HPD: variants seen among roughly 807,000 people sequenced by gnomAD.
HPD encodes the protein 4-hydroxyphenylpyruvate dioxygenase.
Under a neutral mutation model 56.9 loss-of-function variants are expected in HPD, and 35 were observed. That is an observed-to-expected ratio of 0.62 (90% CI 0.47 to 0.82). The LOEUF (loss-of-function observed/expected upper bound fraction) is 0.82. HPD is among the 40% of genes least tolerant of loss of function. HPD has a pLI of 0.00. For missense variants in HPD, 442 were observed against 506.8 expected (o/e 0.87, Z 1.23); for synonymous variants, 186 against 200.2 (o/e 0.93, Z 0.60).
At position 121,858,116 on chromosome 12, in the gene HPD, A is replaced by T. The variant is rs76293256; in HGVS notation, c.31-297T>A. Among the ~76,000 whole-genome samples, 291 of 152,280 alleles carry T rather than the reference A, an allele frequency of 1.9e-3. 4 individuals are homozygous for T. The highest frequency in any genetic ancestry group is 6.7e-3 in the African/African-American group (277 of 41,562). ...GTTAGACCTTAGAAAGAACTTCCAG[A>T]TGGGATTAAAAGATTGGCAGGCATT... is the stretch of plus-strand genomic sequence containing the variant. On this transcript the variant is annotated intron_variant, in intron 2 of 13. Coordinates refer to ENST00000289004, the MANE Select transcript of HPD (RefSeq NM_002150.3).
At position 121,857,429 on chromosome 12, in the gene HPD, T is replaced by C. The variant is rs1154510; in HGVS notation, c.97A>G (p.Thr33Ala). The change falls in exon 4 of 14, where the codon ACG becomes GCG. Residue 33 changes from threonine (T) to alanine (A), a missense_variant. By Grantham distance (58) the Thr-to-Ala change is moderately conservative (BLOSUM62 0). Transcript: ENST00000289004. ...TFWVGNAKQA[T>A]SFYCSKMGFE... ...CCCATCTTGCTGCAGTAGAATGACGTGGCCTGAATCACAGGGTTGCAGCAG... is the reference window on the plus strand; with the variant it reads ...CCCATCTTGCTGCAGTAGAATGACGCGGCCTGAATCACAGGGTTGCAGCAG... 0.87 allele frequency: 1,392,067 copies of C among 1,607,144 alleles called. 604,622 individuals carry two copies. The highest frequency in any genetic ancestry group is 0.96 in the African/African-American group (72,089 of 74,906).
At chr12:121,868,803 G>A in the HPD span, among the ~76,000 whole-genome samples, 1 of 152,128 alleles carries the variant, frequency 6.6e-6, no homozygotes. Flanking sequence ...TTACAGGCAT[G>A]AGCCACCATG....
upstream of HPD, among the ~76,000 whole-genome samples, chr12:121,868,509 CTTTCTTT>C (rs201127310): frequency 0.034 from 1,282 of 37,236 alleles, 29 homozygotes; most frequent in African/African-American, 0.12. Flanking sequence ...CTGTCTATTT[CTTTCTTT>C]TTTCTTTTTT....
At chr12:121,850,471 TC>T (rs1877730356) in intron 7 of HPD, among the ~76,000 whole-genome samples, 1 of 123,108 alleles carries the variant, frequency 8.1e-6, no homozygotes, top group African/African-American at 2.8e-5. Context: ...ACTTTAACCA[TC>T]TTTTTTTTTT....
the HPD span, among the ~76,000 whole-genome samples, chr12:121,883,230 GTGT>G: frequency 7.1e-6 from 1 of 140,604 alleles, no homozygotes; most frequent in East Asian, 2.1e-4. Flanking sequence ...GTGTGTGTGT[GTGT>G]GTGGTGGGGT....
the HPD span, among the ~76,000 whole-genome samples, chr12:121,872,232 C>T: frequency 1.6e-3 from 168 of 105,564 alleles, 3 homozygotes; most frequent in East Asian, 0.04. Context: ...GAGCGAGACT[C>T]CTCTCAAAAA....
At chr12:121,852,874 C>T (rs1877857537) in intron 7 of HPD, among the ~76,000 whole-genome samples, 1 of 151,866 alleles carries the variant, frequency 6.6e-6, no homozygotes, top group African/African-American at 2.4e-5. Flanking sequence ...TCAAGTGATT[C>T]GCCCGCCTCA....
chr12:121,849,051 C>G lies in HPD; in HGVS notation c.544G>C (p.Asp182His). ...KLPKCSLEMI[D>H]HIVGNQPDQE... ...TCAGGCTGGTTTCCCACAATGTGGTCGATCATCTCCAGACTGCATTTGGGC... is the reference window on the plus strand; with the variant it reads ...TCAGGCTGGTTTCCCACAATGTGGTGGATCATCTCCAGACTGCATTTGGGC... Residue 182 changes from aspartate to histidine, a missense_variant, in exon 9 of 14, where the codon GAC (aspartate) becomes CAC (histidine). Asp to His is a moderately conservative substitution (Grantham distance 81). Transcript: ENST00000289004. 1.2e-6 allele frequency: 2 copies of G among 1,613,780 alleles called. No individual in the cohort carries two copies. Among genetic ancestry groups the G allele is most frequent in the Non-Finnish European group, 1.7e-6 (2 of 1,179,908 alleles).
chr12:121,885,157 C>T, the HPD span, among the ~76,000 whole-genome samples: 2 of 151,844 alleles, frequency 1.3e-5, no homozygotes, highest in Admixed American at 1.3e-4. Context: ...TCCCAAAGTG[C>T]TGAGATTACA....
upstream of HPD, among the ~76,000 whole-genome samples, chr12:121,861,810 T>A (rs1878180970): frequency 6.6e-6 from 1 of 152,186 alleles, no homozygotes; most frequent in African/African-American, 2.4e-5. Context: ...CGCTTCGCTC[T>A]TAGCCTCGAG....
At chr12:121,878,727 G>A in the HPD span, among the ~76,000 whole-genome samples, 2 of 149,100 alleles carry the variant, frequency 1.3e-5, no homozygotes, top group Non-Finnish European at 3.0e-5. Context: ...AGGTTGGAGT[G>A]TAGTGACACC....
At chr12:121,886,410 G>GTTT in the HPD span, among the ~76,000 whole-genome samples, 445 of 110,272 alleles carry the variant, frequency 4.0e-3, 12 homozygotes, top group African/African-American at 0.012. Flanking sequence ...GCCTGGCCTA[G>GTTT]TTTTTTTTTT....
At chr12:121,884,974 C>T in the HPD span, among the ~76,000 whole-genome samples, 3 of 151,626 alleles carry the variant, frequency 2.0e-5, no homozygotes, top group African/African-American at 7.3e-5. Flanking sequence ...CTACAACCTC[C>T]ACCTCCCAGG....
chr12:121,876,240 A>T, the HPD span, among the ~76,000 whole-genome samples: 3 of 152,076 alleles, frequency 2.0e-5, no homozygotes, highest in African/African-American at 7.2e-5. Context: ...GAACCCAGGA[A>T]GTGGAAGCTG....
At chr12:121,841,847 G>C (rs1426379952) in intron 12 of HPD, among the ~76,000 whole-genome samples, 2 of 152,070 alleles carry the variant, frequency 1.3e-5, no homozygotes, top group African/African-American at 4.8e-5. Context: ...ATCACACCCA[G>C]CTAATTTTTG....
rs752257868 is a variant in HPD, at chr12:121,858,748, G to T, written c.4-35C>A. 12 of 1,613,880 alleles carry T rather than the reference G, an allele frequency of 7.4e-6. No homozygotes were observed. The Admixed American group carries it at 8.3e-5, about 11-fold the overall frequency. ...AAAAGAAGGACAGTGAGACTTGGAG[G>T]TTCCAACACAAGGTGCTTCTGGAAG... On this transcript the variant is annotated intron_variant, in intron 1 of 13. Transcript: ENST00000289004.
At chr12:121,867,971 A>C (rs1241589840), upstream of HPD, among the ~76,000 whole-genome samples, 1 of 152,148 alleles carries the variant, frequency 6.6e-6, no homozygotes, top group Non-Finnish European at 1.5e-5. Flanking sequence ...TGCCCCGCCC[A>C]AACTTTGTTT....
chr12:121,886,390 G>T, the HPD span, among the ~76,000 whole-genome samples: 3 of 148,576 alleles, frequency 2.0e-5, no homozygotes, highest in African/African-American at 7.4e-5. Context: ...TTACAGGCGT[G>T]AGCCACCGCG....
intron 3 of HPD, 88 bp downstream of exon 3, chr12:121,857,669 A>T: frequency 8.5e-7 from 1 of 1,174,410 alleles, no homozygotes; most frequent in Non-Finnish European, 1.3e-6. Flanking sequence ...CCCAAGGGCC[A>T]ATCACAGACC....
Sources: gnomAD v4.1 joint callset for allele counts (sites outside exome capture counted in the v4.1 genomes callset) on GRCh38, gnomAD v4.1.1 for gene constraint, MANE v1.5 for transcripts, NCBI Gene and HGNC (gene_info 2026-07-23, HGNC 2026-07-21) for gene names.